Variants in ASTN2 observed in about 807,000 individuals in gnomAD.
The protein encoded by ASTN2 is astrotactin-2.
In ASTN2, 54 loss-of-function variants were observed where a neutral mutation model predicts 139.8. The ratio of observed to expected loss-of-function variants is 0.39; its 90% CI spans 0.31 to 0.48. The LOEUF is 0.48. Ranked by LOEUF, ASTN2 falls within the 20% of genes least tolerant of loss-of-function variation. ASTN2 has a pLI of 0.95. For synonymous variants in ASTN2, 756 were observed against 719.5 expected (o/e 1.05, Z -0.81); for missense variants, 1,565 against 1,725.1 (o/e 0.91, Z 1.64).
intron 10 of ASTN2, among the ~76,000 whole-genome samples, chr9:116,890,976 GCT>G (rs1176520452): frequency 2.6e-5 from 4 of 152,130 alleles, no homozygotes; most frequent in African/African-American, 9.7e-5. Flanking sequence ...TCTCTGTTAG[GCT>G]TCACATCAAC....
chr9:116,576,735 A>G (rs1231646185), intron 19 of ASTN2, among the ~76,000 whole-genome samples: 1 of 152,130 alleles, frequency 6.6e-6, no homozygotes, highest in African/African-American at 2.4e-5. Context: ...CCCAAATCTC[A>G]AATAAAAGAG....
intron 19 of ASTN2, among the ~76,000 whole-genome samples, chr9:116,553,345 C>T (rs929478258): frequency 7.9e-5 from 12 of 152,158 alleles, no homozygotes; most frequent in African/African-American, 7.2e-5. Flanking sequence ...AGAGCCCTAG[C>T]GGAGGGAGGG....
intron 3 of ASTN2, among the ~76,000 whole-genome samples, chr9:117,186,526 A>G (rs1455436173): frequency 1.3e-5 from 2 of 151,832 alleles, no homozygotes; most frequent in African/African-American, 2.4e-5. Flanking sequence ...CAGCCTGGGC[A>G]ACAGAGCGAG....
rs761193342 is a variant in ASTN2 at position 116,699,613 on chromosome 9, T to C, written c.2806+26158A>G. On this transcript the variant is annotated intron_variant, in intron 16 of 22. Transcript: ENST00000313400. This position sits in a 1 kb window ranked among gnomAD's most constrained non-coding sequence, Gnocchi z 4.2. ...CTTACCTGTCCGGTGGGCATAGCCC[T>C]AACTCCTAAGGGGCAGCTGCTGGTC... is the stretch of plus-strand genomic sequence containing the variant. 5 of 1,614,228 alleles carry C rather than the reference T, an allele frequency of 3.1e-6. No individual in the cohort carries two copies. Among genetic ancestry groups the C allele is most frequent in the Non-Finnish European group, 3.4e-6 (4 of 1,180,038 alleles).
chr9:117,305,591 G>A (rs1834978864), intron 1 of ASTN2, among the ~76,000 whole-genome samples: 1 of 152,204 alleles, frequency 6.6e-6, no homozygotes, highest in African/African-American at 2.4e-5. Context: ...ACTGGTGAAA[G>A]TAGCGTCATA....
Position 116,885,459 on chromosome 9 carries a change from A to G in ASTN2, c.1890-21726T>C, listed in dbSNP as rs145556941. On this transcript the variant is annotated intron_variant, in intron 10 of 22. Coordinates refer to ENST00000313400, the MANE Select transcript of ASTN2 (RefSeq NM_001365068.1). ...GGTGGGTGGATCACCTGAGGTCAAG[A>G]GTTGGAGGCCAGCCTGGCCAACATG... is the stretch of plus-strand genomic sequence containing the variant. 6.6e-3 allele frequency among the ~76,000 whole-genome samples: 1,010 copies of G among 152,284 alleles called. 7 individuals carry two copies. The highest frequency in any genetic ancestry group is 0.023 in the African/African-American group (949 of 41,572).
At chr9:117,406,232 G>T (rs1830982829) in intron 1 of ASTN2, among the ~76,000 whole-genome samples, 1 of 152,170 alleles carries the variant, frequency 6.6e-6, no homozygotes, top group Non-Finnish European at 1.5e-5. Flanking sequence ...GTAAATTCTG[G>T]TCTCACTCTG....
chr9:117,124,721 A>G (rs2132821872), intron 4 of ASTN2, among the ~76,000 whole-genome samples: 1 of 150,378 alleles, frequency 6.6e-6, no homozygotes, highest in Non-Finnish European at 1.5e-5. Flanking sequence ...TTTAGAAGCT[A>G]TTGCTTCACA....
chr9:117,067,492 T>A (rs1204873271), intron 5 of ASTN2, among the ~76,000 whole-genome samples: 3 of 121,318 alleles, frequency 2.5e-5, no homozygotes, highest in Non-Finnish European at 5.4e-5. Context: ...CGATGCGGGC[T>A]CTTTTTTGGT....
At chr9:117,020,357 C>A (rs1283656045) in intron 6 of ASTN2, among the ~76,000 whole-genome samples, 1 of 148,740 alleles carries the variant, frequency 6.7e-6, no homozygotes, top group African/African-American at 2.5e-5. Flanking sequence ...TTTTTTTGGT[C>A]TCTAGCTAAT....
At chr9:116,505,226 A>AT (rs1192021309) in intron 19 of ASTN2, among the ~76,000 whole-genome samples, 2 of 151,698 alleles carry the variant, frequency 1.3e-5, no homozygotes, top group Non-Finnish European at 2.9e-5. Flanking sequence ...TAGTCTACTC[A>AT]TTCCTTTAAT....
chr9:116,478,911 G>A (rs1849078129), intron 20 of ASTN2, among the ~76,000 whole-genome samples: 1 of 140,940 alleles, frequency 7.1e-6, no homozygotes, highest in Admixed American at 7.8e-5. Context: ...AGAACCGCTT[G>A]AACCCGGGAG....
At chr9:116,900,725 G>C (rs114611906) in intron 10 of ASTN2, among the ~76,000 whole-genome samples, 240 of 152,138 alleles carry the variant, frequency 1.6e-3, no homozygotes, top group African/African-American at 5.6e-3. Context: ...CACCTCACCT[G>C]CTTCCTCCCT....
chr9:116,505,902 C>G (rs974211146), intron 19 of ASTN2, among the ~76,000 whole-genome samples: 3 of 152,134 alleles, frequency 2.0e-5, no homozygotes, highest in African/African-American at 7.2e-5. Context: ...GGTTCACTTC[C>G]TCCCACTTTC....
At chr9:116,747,284 G>A (rs376218926) in intron 13 of ASTN2, among the ~76,000 whole-genome samples, 65 of 152,280 alleles carry the variant, frequency 4.3e-4, no homozygotes, top group African/African-American at 1.4e-3. Context: ...TATAAGGTGA[G>A]GTTTGAATAA....
At chr9:116,901,278 G>A (rs1223499551) in intron 10 of ASTN2, among the ~76,000 whole-genome samples, 5 of 152,180 alleles carry the variant, frequency 3.3e-5, no homozygotes, top group Non-Finnish European at 5.9e-5. Context: ...TAAGGAGGCT[G>A]AGGTGGGAGG....
At chr9:116,599,624 T>C (rs1854767094) in intron 19 of ASTN2, among the ~76,000 whole-genome samples, 1 of 151,986 alleles carries the variant, frequency 6.6e-6, no homozygotes, top group African/African-American at 2.4e-5. Flanking sequence ...ATAAGGAAGA[T>C]TGAATATAGG....
At chr9:117,360,360 C>A (rs1309715455) in intron 1 of ASTN2, among the ~76,000 whole-genome samples, 1 of 152,058 alleles carries the variant, frequency 6.6e-6, no homozygotes, top group Non-Finnish European at 1.5e-5. Context: ...TGGGAGTATA[C>A]AACAGCAGGT....
chr9:116,863,079 C>T (rs570053442), intron 11 of ASTN2, among the ~76,000 whole-genome samples: 15 of 152,192 alleles, frequency 9.9e-5, no homozygotes, highest in South Asian at 4.1e-4. Flanking sequence ...TGGCTGTCTC[C>T]GCTCTTTCCC....
Sources: gnomAD v4.1 joint callset for allele counts (sites outside exome capture counted in the v4.1 genomes callset) on GRCh38, gnomAD v4.1.1 for gene constraint, Gnocchi (gnomAD v3.1) non-coding constraint, MANE v1.5 for transcripts, NCBI Gene and HGNC (gene_info 2026-07-23, HGNC 2026-07-21) for gene names.